The following GIN1 variants were observed in gnomAD, a reference collection of about 807,000 sequenced individuals.
The protein encoded by GIN1 is gypsy retrotransposon integrase 1.
A neutral mutation model predicts 51.4 loss-of-function variants in GIN1; 41 were observed. The ratio of observed to expected loss-of-function variants is 0.80; its 90% CI spans 0.62 to 1.04. The LOEUF is 1.04. GIN1 is among the 50% of genes least tolerant of loss of function. The pLI is 0.00. For missense variants in GIN1, 610 were observed against 612.4 expected, an observed-to-expected ratio of 1.00 and a Z score of 0.04; for synonymous variants, 222 against 206.5, an observed-to-expected ratio of 1.07 and a Z score of -0.64.
intron 7 of GIN1, among the ~76,000 whole-genome samples, chr5:103,089,407 ATATAT>A (rs1290776794): frequency 6.6e-6 from 1 of 152,150 alleles, no homozygotes; most frequent in East Asian, 1.9e-4. Context: ...ATAGATATAG[ATATAT>A]TTATTTATCT....
At chr5:103,094,878 C>T (rs939505577) in intron 7 of GIN1, among the ~76,000 whole-genome samples, 1 of 152,162 alleles carries the variant, frequency 6.6e-6, no homozygotes, top group South Asian at 2.1e-4. Context: ...AACGAAAGCA[C>T]TTGTGAGTTT....
chr5:103,096,911 C>T, intron 6 of GIN1, 85 bp from the exon 7 acceptor site: 1 of 807,522 alleles, frequency 1.2e-6, no homozygotes, highest in Non-Finnish European at 2.0e-6. Flanking sequence ...AATATTGTAA[C>T]AAAATGGTAC....
intron 6 of GIN1, 109 bp downstream of exon 6, chr5:103,097,205 G>A (rs1156510963): frequency 5.9e-6 from 4 of 678,644 alleles, no homozygotes; most frequent in South Asian, 1.9e-5. Flanking sequence ...ATTATGGCAA[G>A]TAAGTATGTG....
chr5:103,098,887 T>C (rs782555760), intron 4 of GIN1, among the ~76,000 whole-genome samples: 6 of 152,222 alleles, frequency 3.9e-5, no homozygotes, highest in Non-Finnish European at 8.8e-5. Context: ...TTATAACTAC[T>C]ATTATTGGTG....
rs1317086528 is a variant in GIN1, at chr5:103,103,154, T to A, written c.639+1387A>T. Among the ~76,000 whole-genome samples, 8 of 152,160 alleles carry A rather than the reference T, an allele frequency of 5.3e-5. No homozygotes were observed. The South Asian group carries it at 8.3e-4, about 16-fold the overall frequency. On this transcript the variant is annotated intron_variant, in intron 4 of 7. Transcript: ENST00000399004. ...CAAACACAATCTTTCCTTCTGAGAG[T>A]CTGGAATTTTTGTACATGCCAGGTA...
At chr5:103,114,675 T>C (rs904097135) in intron 1 of GIN1, among the ~76,000 whole-genome samples, 1 of 152,194 alleles carries the variant, frequency 6.6e-6, no homozygotes, top group Non-Finnish European at 1.5e-5. Context: ...TCAGGGAGAA[T>C]TGTGCACACC....
chr5:103,108,658 T>C lies in GIN1; in HGVS notation c.50A>G (p.Tyr17Cys). 1 of 1,603,528 alleles carries C rather than the reference T, an allele frequency of 6.2e-7. No individual in the cohort carries two copies. Among genetic ancestry groups the C allele is most frequent in the South Asian group, 1.1e-5 (1 of 90,506 alleles). The change falls in exon 2 of 8, where the codon TAT becomes TGT. Residue 17 changes from tyrosine (Y) to cysteine (C), a missense_variant. Physicochemically the swap from Tyr to Cys is radical, Grantham distance 194. Transcript: ENST00000399004. Reference protein sequence around the residue: ...NGDLHLKQIAYYKRTGEYHST... With the variant: ...NGDLHLKQIACYKRTGEYHST... Reference sequence around the variant, plus strand: ...ATGATATTCACCAGTTCGTTTGTAATATGCAATCTGTTTAAGATGAAGGTC... The same window carrying C: ...ATGATATTCACCAGTTCGTTTGTAACATGCAATCTGTTTAAGATGAAGGTC...
chr5:103,100,472 G>A (rs1356285904), intron 4 of GIN1, among the ~76,000 whole-genome samples: 3 of 151,744 alleles, frequency 2.0e-5, no homozygotes, highest in Non-Finnish European at 4.4e-5. Flanking sequence ...GCTCACTACA[G>A]CCTTCACCTC....
intron 3 of GIN1, among the ~76,000 whole-genome samples, chr5:103,105,238 A>C (rs1481909654): frequency 6.6e-6 from 1 of 152,150 alleles, no homozygotes; most frequent in South Asian, 2.1e-4. Context: ...CTTCGGTATG[A>C]GTAGATTTGG....
At chr5:103,098,713 T>C (rs1787479676) in intron 4 of GIN1, among the ~76,000 whole-genome samples, 1 of 151,992 alleles carries the variant, frequency 6.6e-6, no homozygotes, top group Admixed American at 6.5e-5. Context: ...TGCACCTCAG[T>C]CTTTCAAAGT....
intron 7 of GIN1, 152 bp downstream of exon 7, chr5:103,096,389 A>C: frequency 1.6e-6 from 1 of 620,752 alleles, no homozygotes; most frequent in Non-Finnish European, 2.8e-6. Flanking sequence ...ACACTGTAAT[A>C]AAACAGACTA....
chr5:103,101,171 A>G (rs181095256), intron 4 of GIN1, among the ~76,000 whole-genome samples: 115 of 152,306 alleles, frequency 7.6e-4, no homozygotes, highest in African/African-American at 2.7e-3. Flanking sequence ...TAAATAAAAT[A>G]AGGGTAACTT....
rs1044952766 is a variant in GIN1, at chr5:103,088,564, C to T, written c.1295-392G>A. Among the ~76,000 whole-genome samples the T allele has an allele frequency of 5.3e-5, 8 of 152,222 alleles. No homozygotes were observed. In the East Asian group the frequency reaches 7.7e-4, roughly 15 times the overall value. ...TCTCAGCACTTTGGAAAGCCAAAGC[C>T]GGTAGATTGCTTAAGCCCAGGAGTT... On this transcript the variant is annotated intron_variant, in intron 7 of 7. Coordinates refer to ENST00000399004, the MANE Select transcript of GIN1 (RefSeq NM_017676.2).
chr5:103,089,408 T>C (rs919664174), intron 7 of GIN1, among the ~76,000 whole-genome samples: 2 of 152,064 alleles, frequency 1.3e-5, no homozygotes, highest in East Asian at 3.8e-4. Flanking sequence ...TAGATATAGA[T>C]ATATTTATTT....
At chr5:103,118,751 T>TG (rs1788178158) in intron 1 of GIN1, among the ~76,000 whole-genome samples, 1 of 77,298 alleles carries the variant, frequency 1.3e-5, no homozygotes, top group South Asian at 2.9e-4. Flanking sequence ...TGAAAGTTGT[T>TG]TTTTTTTTTT....
At chr5:103,113,696 A>G (rs112279059) in intron 1 of GIN1, among the ~76,000 whole-genome samples, 36 of 151,948 alleles carry the variant, frequency 2.4e-4, no homozygotes, top group Non-Finnish European at 4.0e-4. Context: ...TAATTTTTAT[A>G]TTTTTAGTAG....
chr5:103,095,371 T>C (rs1787363788), intron 7 of GIN1, among the ~76,000 whole-genome samples: 1 of 152,142 alleles, frequency 6.6e-6, no homozygotes, highest in Non-Finnish European at 1.5e-5. Flanking sequence ...ATGAGTCAAA[T>C]TTAGGGGCAA....
At chr5:103,088,693 C>T (rs1787148825) in intron 7 of GIN1, among the ~76,000 whole-genome samples, 1 of 151,974 alleles carries the variant, frequency 6.6e-6, no homozygotes, top group Non-Finnish European at 1.5e-5. Flanking sequence ...ACTTAGGAGG[C>T]TGAGATGGAA....
intron 3 of GIN1, among the ~76,000 whole-genome samples, 171 bp from the exon 4 acceptor site, chr5:103,105,017 CAAAT>C (rs1245919066): frequency 1.3e-4 from 19 of 151,912 alleles, no homozygotes; most frequent in African/African-American, 1.7e-4. Flanking sequence ...GAATAACAAA[CAAAT>C]AAAACAACAA....
Sources: allele counts gnomAD v4.1 joint callset (sites outside exome capture counted in the v4.1 genomes callset), GRCh38; gene constraint gnomAD v4.1.1; transcripts MANE v1.5; gene names NCBI Gene and HGNC (gene_info 2026-07-23, HGNC 2026-07-21).